The following ERAP1 variants were observed in gnomAD, a reference collection of about 807,000 sequenced individuals.
ERAP1 encodes the protein adipocyte-derived leucine aminopeptidase.
A neutral mutation model predicts 103.7 loss-of-function variants in ERAP1; 86 were observed. That is an observed-to-expected ratio of 0.83 (90% CI 0.70 to 0.99). ERAP1 has a LOEUF of 0.99. ERAP1 is among the 50% of genes least tolerant of loss of function. The pLI is 0.00. For synonymous variants in ERAP1, 398 were observed against 402.4 expected, an observed-to-expected ratio of 0.99 and a Z score of 0.13; for missense variants, 1,009 against 1,128.4, an observed-to-expected ratio of 0.89 and a Z score of 1.52.
At chr5:96,801,058 A>T in intron 2 of ERAP1, 58 bp from the exon 3 acceptor site, 1 of 1,588,620 alleles carries the variant, frequency 6.3e-7, no homozygotes, top group Non-Finnish European at 8.6e-7. Context: ...ACTCTAAAAC[A>T]GGTGTTTGCT....
At chr5:96,894,482 A>T in the ERAP1 span, among the ~76,000 whole-genome samples, 1 of 150,890 alleles carries the variant, frequency 6.6e-6, no homozygotes, top group Non-Finnish European at 1.5e-5. Context: ...CCGTCTAGAG[A>T]TTTTAATCTT....
At chr5:96,896,131 A>C in the ERAP1 span, among the ~76,000 whole-genome samples, 1 of 152,316 alleles carries the variant, frequency 6.6e-6, no homozygotes, top group East Asian at 1.9e-4. Context: ...GGGCTGGTAC[A>C]TGATAAACAT....
chr5:96,762,258 T>A (rs1768246667), exon 20 of ERAP1: 4 of 1,576,814 alleles, frequency 2.5e-6, no homozygotes, highest in Admixed American at 1.8e-5. Flanking sequence ...ACTAATAAAA[T>A]TTTTTTCAAT....
chr5:96,832,629 A>G, the ERAP1 span, among the ~76,000 whole-genome samples: 1 of 152,194 alleles, frequency 6.6e-6, no homozygotes, highest in Non-Finnish European at 1.5e-5. Context: ...TTATTTTATG[A>G]CTTTTATCCT....
At chr5:96,774,386 G>A (rs534433422), downstream of ERAP1, 3 of 363,964 alleles carry the variant, frequency 8.2e-6, no homozygotes, top group African/African-American at 4.4e-5. Context: ...CGAGACTTGG[G>A]TGTTTGTTAA....
chr5:96,930,610 G>A, the ERAP1 span, among the ~76,000 whole-genome samples: 3 of 152,112 alleles, frequency 2.0e-5, no homozygotes, highest in Admixed American at 2.0e-4. Flanking sequence ...CCAAATTTGT[G>A]AACCTCATCA....
chr5:96,912,624 C>T, the ERAP1 span: 1 of 1,572,076 alleles, frequency 6.4e-7, no homozygotes. Flanking sequence ...CATTTTTATG[C>T]TTGATATTAC....
the ERAP1 span, among the ~76,000 whole-genome samples, chr5:96,899,512 A>G: frequency 6.6e-6 from 1 of 152,198 alleles, no homozygotes; most frequent in Non-Finnish European, 1.5e-5. Flanking sequence ...GCCTTAGCAC[A>G]TTCTTCATTT....
chr5:96,819,166 T>C, the ERAP1 span, among the ~76,000 whole-genome samples: 99,780 of 151,424 alleles, frequency 0.66, 33,337 homozygotes, highest in Non-Finnish European at 0.72. Flanking sequence ...CCTCGTGATC[T>C]GCCCGCCTCG....
chr5:96,922,155 G>A, the ERAP1 span, among the ~76,000 whole-genome samples: 1 of 152,052 alleles, frequency 6.6e-6, no homozygotes, highest in African/African-American at 2.4e-5. Context: ...AAAATTAGCC[G>A]GGCGCGGTGG....
chr5:96,874,180 A>AAGAAAGAAAGATAG, the ERAP1 span, among the ~76,000 whole-genome samples: 1 of 82,320 alleles, frequency 1.2e-5, no homozygotes, highest in South Asian at 4.2e-4. Context: ...GAAAGAAAGA[A>AAGAAAGAAAGATAG]AGAGAGAGAG....
the ERAP1 span, among the ~76,000 whole-genome samples, chr5:96,899,900 CTT>C: frequency 6.6e-6 from 1 of 152,204 alleles, no homozygotes; most frequent in South Asian, 2.1e-4. Context: ...TTTAAGGAAA[CTT>C]TACACATGCG....
chr5:96,914,456 A>G, the ERAP1 span, among the ~76,000 whole-genome samples: 42 of 152,314 alleles, frequency 2.8e-4, no homozygotes, highest in Middle Eastern at 3.4e-3. Flanking sequence ...AAACTGCTTT[A>G]ATATGTATGT....
At chr5:96,920,585 T>C in the ERAP1 span, among the ~76,000 whole-genome samples, 24 of 152,376 alleles carry the variant, frequency 1.6e-4, 1 homozygote, top group Non-Finnish European at 2.6e-4. Flanking sequence ...TGAACACTAA[T>C]GTCTACCAAA....
At chr5:96,794,071 G>T in intron 5 of ERAP1, 114 bp from the exon 6 acceptor site, 1 of 996,340 alleles carries the variant, frequency 1.0e-6, no homozygotes, top group Non-Finnish European at 1.6e-6. Flanking sequence ...TAATCATGGA[G>T]CTCTAGACTG....
At chr5:96,902,351 C>T in the ERAP1 span, 1 of 1,604,024 alleles carries the variant, frequency 6.2e-7, no homozygotes. Flanking sequence ...AAATCAAAGA[C>T]AGGTAATGAA....
chr5:96,931,964 T>A, the ERAP1 span, among the ~76,000 whole-genome samples: 1 of 152,246 alleles, frequency 6.6e-6, no homozygotes, highest in African/African-American at 2.4e-5. Context: ...CAGAGTTTTG[T>A]CTTTTGTAGC....
intron 19 of ERAP1, chr5:96,768,296 C>A (rs1338285637): frequency 1.5e-5 from 6 of 408,560 alleles, no homozygotes; most frequent in Non-Finnish European, 2.8e-5. Context: ...TGTTGCCAGG[C>A]TGGTCTCGAG....
At chr5:96,810,462 T>C (rs1252121913), upstream of ERAP1, among the ~76,000 whole-genome samples, 2 of 152,228 alleles carry the variant, frequency 1.3e-5, no homozygotes, top group Non-Finnish European at 1.5e-5. Flanking sequence ...AATGTAGATA[T>C]TATGCTTTAT....
Sources: gnomAD v4.1 joint callset for allele counts (sites outside exome capture counted in the v4.1 genomes callset) on GRCh38, gnomAD v4.1.1 for gene constraint, MANE v1.5 for transcripts, NCBI Gene and HGNC (gene_info 2026-07-23, HGNC 2026-07-21) for gene names.